The following TNC variants were observed in gnomAD, a reference collection of about 807,000 sequenced individuals.
TNC encodes the protein tenascin.
TNC carries 109 observed loss-of-function variants against 202.4 expected under a neutral mutation model. The ratio of observed to expected loss-of-function variants is 0.54; its 90% CI spans 0.46 to 0.63. The LOEUF is 0.63. Among genes scored for constraint, TNC ranks in the 30% least tolerant of loss-of-function variants. TNC has a pLI of 0.00. For synonymous variants in TNC, 1,007 were observed against 1,089.7 expected (o/e 0.92, Z 1.50); for missense variants, 2,756 against 2,833.3 (o/e 0.97, Z 0.62).
At chr9:115,056,942 G>C (rs557428347) in intron 15 of TNC, among the ~76,000 whole-genome samples, 4 of 152,254 alleles carry the variant, frequency 2.6e-5, no homozygotes, top group African/African-American at 9.6e-5. Flanking sequence ...AAACATCCTG[G>C]TCAGTGATAA....
chr9:115,024,123 G>A lies in TNC; in HGVS notation c.6345C>T (p.Ala2115=). The change falls in exon 27 of 28, where the codon GCC becomes GCT. Residue 2115 remains alanine (A), a synonymous_variant. Transcript: ENST00000350763. ...GYSGTAGDSM[A]YHNGRSFSTF... is the part of the protein sequence containing the mutation. ...TGGAGAAGGATCTGCCATTGTGGTA[G>A]GCCATGGAGTCACCTGGGAGAGACA... 1 of 1,613,684 alleles carries A rather than the reference G, an allele frequency of 6.2e-7. No homozygotes were observed. Among genetic ancestry groups the A allele is most frequent in the Non-Finnish European group, 8.5e-7 (1 of 1,179,616 alleles).
chr9:115,111,399 C>CTTTTTTT (rs71375272), intron 1 of TNC, among the ~76,000 whole-genome samples: 9 of 71,342 alleles, frequency 1.3e-4, no homozygotes, highest in Non-Finnish European at 1.4e-4. Flanking sequence ...CTCTCTCTCT[C>CTTTTTTT]TTTTTTTTTT....
chr9:115,095,185 G>T (rs1270621063), intron 1 of TNC, among the ~76,000 whole-genome samples: 1 of 152,034 alleles, frequency 6.6e-6, no homozygotes, highest in Non-Finnish European at 1.5e-5. Flanking sequence ...TAGGATCATT[G>T]TGAAAAGTGC....
intron 1 of TNC, among the ~76,000 whole-genome samples, chr9:115,106,680 G>A (rs866777593): frequency 6.6e-6 from 1 of 152,148 alleles, no homozygotes; most frequent in African/African-American, 2.4e-5. Context: ...GTGAGAAGTA[G>A]CAGATGGGGG....
intron 9 of TNC, among the ~76,000 whole-genome samples, chr9:115,075,108 T>C (rs1400633877): frequency 6.6e-6 from 1 of 152,116 alleles, no homozygotes; most frequent in Non-Finnish European, 1.5e-5. Context: ...ACTAGCCTCC[T>C]TCTTCCTCAT....
chr9:115,107,413 T>C (rs1376662844), intron 1 of TNC, among the ~76,000 whole-genome samples: 1 of 152,218 alleles, frequency 6.6e-6, no homozygotes, highest in Non-Finnish European at 1.5e-5. Flanking sequence ...ATTCAATAAA[T>C]GACAGCTTCT....
chr9:115,085,737 G>T, intron 3 of TNC, 127 bp downstream of exon 3: 2 of 955,484 alleles, frequency 2.1e-6, no homozygotes, highest in Non-Finnish European at 3.1e-6. Context: ...TGTTTAAATG[G>T]ATATATTAAT....
At chr9:115,072,122 C>A (rs1200401881) in intron 10 of TNC, among the ~76,000 whole-genome samples, 1 of 152,224 alleles carries the variant, frequency 6.6e-6, no homozygotes, top group African/African-American at 2.4e-5. Context: ...CTTTCCCTGC[C>A]TCCCTTACAG....
At chr9:115,056,282 A>T (rs557365691) in intron 15 of TNC, among the ~76,000 whole-genome samples, 1 of 149,544 alleles carries the variant, frequency 6.7e-6, no homozygotes, top group Admixed American at 6.6e-5. Context: ...CTAGTTTGTG[A>T]TTTCTTCATT....
Position 115,048,276 on chromosome 9 carries a change from C to T in TNC, c.4836G>A (p.Arg1612=). The change falls in exon 16 of 28, where the codon AGG becomes AGA. Residue 1612 remains arginine (R), a synonymous_variant. Coordinates refer to ENST00000350763, the MANE Select transcript of TNC (RefSeq NM_002160.4). ...FTQGHQTKPL[R]AEIVTEAEPE... is the part of the protein sequence containing the mutation. Reference sequence around the variant, plus strand: ...TTGAAATACCTGTAACAATCTCAGCCCTCAAGGGCTTGGTTTGATGCCCTT... The same window carrying T: ...TTGAAATACCTGTAACAATCTCAGCTCTCAAGGGCTTGGTTTGATGCCCTT... 1.2e-6 allele frequency: 2 copies of T among 1,613,878 alleles called. No individual in the cohort carries two copies. The highest frequency in any genetic ancestry group is 8.5e-7 in the Non-Finnish European group (1 of 1,179,852).
At chr9:115,102,610 T>C (rs1454390280) in intron 1 of TNC, among the ~76,000 whole-genome samples, 1 of 152,260 alleles carries the variant, frequency 6.6e-6, no homozygotes, top group African/African-American at 2.4e-5. Flanking sequence ...TGATATGATA[T>C]TATTTGATTT....
chr9:115,077,552 T>G (rs1234044057), intron 7 of TNC, among the ~76,000 whole-genome samples: 1 of 152,256 alleles, frequency 6.6e-6, no homozygotes, highest in Non-Finnish European at 1.5e-5. Flanking sequence ...ATTTACTGAA[T>G]GAAAAATTGA....
intron 15 of TNC, among the ~76,000 whole-genome samples, chr9:115,049,645 C>CTTTTTTTTCTT (rs1831494732): frequency 7.0e-6 from 1 of 141,888 alleles, no homozygotes; most frequent in African/African-American, 2.6e-5. Context: ...TTTCTTTTTT[C>CTTTTTTTTCTT]TTTTTTTTTT....
rs767620873 is a variant in TNC at position 115,087,136 on chromosome 9, G to A, written c.595C>T (p.Arg199Trp). The change falls in exon 3 of 28, where the codon CGG becomes TGG. Residue 199 changes from arginine to tryptophan, a missense_variant. Physicochemically the swap from Arg to Trp is moderately radical, Grantham distance 101 (BLOSUM62 -3). This residue lies in a region of TNC where 2,559 missense variants were observed against 2,546.0 expected (regional missense o/e 1.01). Transcript: ENST00000350763. ...CAGATGCACTGCCCATCAATGCACC[G>A]GCCTCGAAGGTGACAGTTGCCTGGA... ...ECPGNCHLRG[R>W]CIDGQCICDD... 9.9e-6 allele frequency: 16 copies of A among 1,614,098 alleles called. No individual in the cohort carries two copies. The highest frequency in any genetic ancestry group is 5.5e-5 in the South Asian group (5 of 91,092).
At chr9:115,106,800 G>A (rs1054646172) in intron 1 of TNC, among the ~76,000 whole-genome samples, 5 of 152,076 alleles carry the variant, frequency 3.3e-5, no homozygotes, top group African/African-American at 1.2e-4. Context: ...CAGAGGGGCT[G>A]GAAATTACCA....
At chr9:115,096,472 G>A (rs927472822) in intron 1 of TNC, among the ~76,000 whole-genome samples, 2 of 152,136 alleles carry the variant, frequency 1.3e-5, no homozygotes, top group Admixed American at 1.3e-4. Flanking sequence ...GAGCAGTACT[G>A]GTTTAGAGGA....
At chr9:115,061,501 A>G (rs2132562920) in intron 13 of TNC, among the ~76,000 whole-genome samples, 1 of 152,332 alleles carries the variant, frequency 6.6e-6, no homozygotes, top group South Asian at 2.1e-4. Flanking sequence ...CACAGACCAC[A>G]CCTGTCTCAA....
Position 115,057,231 on chromosome 9 carries a change from TA to T in TNC, c.4500del (p.Ser1501ValfsTer35). On this transcript the variant is annotated frameshift_variant, in exon 15 of 28. Coordinates refer to ENST00000350763, the MANE Select transcript of TNC (RefSeq NM_002160.4). LOFTEE classifies it high-confidence loss of function. ...ERTAHISGLP[P>X]STDFIVYLSG... ...GAGAGGTAGACAATAAAATCAGTAC[TA>T]GGGGGTAGCCCTGAGATATGGGCAG... 1 of 1,614,178 alleles carries T rather than the reference TA, an allele frequency of 6.2e-7. No homozygotes were observed. Among genetic ancestry groups the T allele is most frequent in the African/African-American group, 1.3e-5 (1 of 75,048 alleles).
Position 115,073,669 on chromosome 9 carries a change from T to G in TNC, c.3148A>C (p.Asn1050His). Reference protein sequence around the residue: ...LRGLEPGQEYNVLLTAEKGRH... With the variant: ...LRGLEPGQEYHVLLTAEKGRH... ...CCTTTCTCGGCTGTCAGGAGGACAT[T>G]GTACTCCTGTCCTGGTTCCAGGCCT... The change falls in exon 10 of 28, where the codon AAT becomes CAT. Residue 1050 changes from asparagine to histidine, a missense_variant. Asn to His is a moderately conservative substitution (Grantham distance 68). This residue lies in a region of TNC where 2,559 missense variants were observed against 2,546.0 expected (regional missense o/e 1.01). Transcript: ENST00000350763. 1 of 1,614,182 alleles carries G rather than the reference T, an allele frequency of 6.2e-7. No homozygotes were observed. Among genetic ancestry groups the G allele is most frequent in the Non-Finnish European group, 8.5e-7 (1 of 1,180,026 alleles).
Sources: allele counts gnomAD v4.1 joint callset (sites outside exome capture counted in the v4.1 genomes callset), GRCh38; gene constraint gnomAD v4.1.1; regional missense constraint gnomAD v4.1.1; transcripts MANE v1.5; gene names NCBI Gene and HGNC (gene_info 2026-07-23, HGNC 2026-07-21).